MRPS9: variants seen among roughly 807,000 people sequenced by gnomAD.
MRPS9 encodes the protein mitochondrial ribosomal protein S9, also known as small ribosomal subunit protein uS9m.
Under a neutral mutation model 59.9 loss-of-function variants are expected in MRPS9, and 45 were observed. That is an observed-to-expected ratio of 0.75 (90% confidence interval 0.59 to 0.96). The LOEUF (loss-of-function observed/expected upper bound fraction) is 0.96. MRPS9 is among the 40% of genes least tolerant of loss of function. The probability of loss-of-function intolerance (pLI) is 0.00; values close to 1 mark genes in which losing one functional copy is unlikely to be tolerated. For synonymous variants in MRPS9, 171 were observed against 166.8 expected, an observed-to-expected ratio of 1.03 and a Z score of -0.19; for missense variants, 473 against 481.1, an observed-to-expected ratio of 0.98 and a Z score of 0.16.
intron 1 of MRPS9, among the ~76,000 whole-genome samples, chr2:105,041,209 TA>T (rs1205030210): frequency 6.6e-6 from 1 of 152,224 alleles, no homozygotes; most frequent in East Asian, 1.9e-4. Flanking sequence ...CATGAATTCA[TA>T]AATCCTCTAT....
intron 2 of MRPS9, among the ~76,000 whole-genome samples, chr2:105,062,676 A>G (rs17686323): frequency 0.22 from 33,588 of 152,238 alleles, 3,777 homozygotes; most frequent in Middle Eastern, 0.35. Context: ...ACATTAGTAC[A>G]GTGCTGAGTT....
intron 1 of MRPS9, among the ~76,000 whole-genome samples, chr2:105,047,902 G>C (rs1679622351): frequency 6.6e-6 from 1 of 151,870 alleles, no homozygotes; most frequent in African/African-American, 2.4e-5. Flanking sequence ...CCCAGTAATG[G>C]GATGGCTGGG....
chr2:105,053,304 A>G (rs1399010908), intron 2 of MRPS9, among the ~76,000 whole-genome samples: 1 of 152,194 alleles, frequency 6.6e-6, no homozygotes, highest in Non-Finnish European at 1.5e-5. Flanking sequence ...GCTATGGTCT[A>G]TAATTTAATT....
intron 5 of MRPS9, among the ~76,000 whole-genome samples, chr2:105,086,911 G>T: frequency 6.6e-6 from 1 of 152,130 alleles, no homozygotes; most frequent in African/African-American, 2.4e-5. Flanking sequence ...TATAAGTGGG[G>T]AGCATCCATT....
chr2:105,084,817 TA>T (rs1176626174), intron 5 of MRPS9, among the ~76,000 whole-genome samples: 4 of 152,186 alleles, frequency 2.6e-5, no homozygotes, highest in Non-Finnish European at 4.4e-5. Context: ...CTTTAATGTA[TA>T]TTTTCCTCCC....
intron 1 of MRPS9, among the ~76,000 whole-genome samples, chr2:105,044,988 A>G (rs574995217): frequency 1.3e-5 from 2 of 152,320 alleles, no homozygotes; most frequent in East Asian, 1.9e-4. Flanking sequence ...TAGACCAATG[A>G]TATAAAAAGC....
chr2:105,094,564 C>T (rs2104470570), intron 9 of MRPS9, among the ~76,000 whole-genome samples: 1 of 152,290 alleles, frequency 6.6e-6, no homozygotes, highest in Non-Finnish European at 1.5e-5. Context: ...AGAGGACCCT[C>T]CTAATACAGT....
At chr2:105,090,164 T>A (rs967453733) in intron 7 of MRPS9, among the ~76,000 whole-genome samples, 169 bp downstream of exon 7, 1 of 152,166 alleles carries the variant, frequency 6.6e-6, no homozygotes, top group African/African-American at 2.4e-5. Context: ...CAAAACACAT[T>A]CATCATTGAT....
intron 1 of MRPS9, among the ~76,000 whole-genome samples, chr2:105,047,828 G>C (rs1245980917): frequency 6.6e-6 from 1 of 152,016 alleles, no homozygotes; most frequent in Non-Finnish European, 1.5e-5. Context: ...AAAAGGACCA[G>C]CAGCAGCAAG....
chr2:105,052,768 T>C (rs1679735661), intron 2 of MRPS9, among the ~76,000 whole-genome samples: 1 of 152,262 alleles, frequency 6.6e-6, no homozygotes, highest in Admixed American at 6.5e-5. Flanking sequence ...TGAGTTGTTG[T>C]TGTTGGGTTT....
chr2:105,088,940 T>G (rs746177162), intron 5 of MRPS9, 44 bp from the exon 6 acceptor site: 2 of 1,333,378 alleles, frequency 1.5e-6, no homozygotes, highest in Non-Finnish European at 2.1e-6. Context: ...TAATGTACCA[T>G]TGCTCTTATT....
intron 2 of MRPS9, among the ~76,000 whole-genome samples, chr2:105,061,742 G>A (rs1224043808): frequency 2.6e-5 from 4 of 152,082 alleles, no homozygotes; most frequent in Non-Finnish European, 2.9e-5. Flanking sequence ...GTATTCCCTG[G>A]AGGGCATGTT....
intron 9 of MRPS9, among the ~76,000 whole-genome samples, chr2:105,094,735 G>C (rs763874496): frequency 7.9e-5 from 12 of 152,290 alleles, no homozygotes; most frequent in Admixed American, 7.8e-4. Flanking sequence ...ATTTCCCTTA[G>C]GAAAAGCCAG....
At position 105,049,264 on chromosome 2, in the gene MRPS9, C is replaced by T; in HGVS notation, c.229C>T (p.Gln77Ter). 6.2e-7 allele frequency: 1 copy of T among 1,612,770 alleles called. No homozygotes were observed. Among genetic ancestry groups the T allele is most frequent in the South Asian group, 1.1e-5 (1 of 90,846 alleles). The change falls in exon 2 of 11, where the codon CAG becomes TAG. Residue 77 changes from glutamine (Q) to a stop codon, truncating the protein, a stop_gained. Coordinates refer to ENST00000258455, the MANE Select transcript of MRPS9 (RefSeq NM_182640.3). LOFTEE classifies it high-confidence loss of function. ...ETYTEDFIKK[Q>*]IEEFNIGKRH... ...TTACACAGAGGATTTTATTAAAAAG[C>T]AGATTGAAGAGTTCAACATAGGAAA... is the stretch of plus-strand genomic sequence containing the variant.
At chr2:105,095,481 C>T (rs1680639794) in intron 9 of MRPS9, among the ~76,000 whole-genome samples, 1 of 148,346 alleles carries the variant, frequency 6.7e-6, no homozygotes, top group African/African-American at 2.5e-5. Context: ...GATTTTCAGT[C>T]TGTACATTTT....
chr2:105,057,792 T>C (rs940382028), intron 2 of MRPS9, among the ~76,000 whole-genome samples: 2 of 152,200 alleles, frequency 1.3e-5, no homozygotes, highest in Non-Finnish European at 2.9e-5. Flanking sequence ...TCCTTTTCCA[T>C]TGAAGCATGT....
At chr2:105,057,120 C>T (rs1464783993) in intron 2 of MRPS9, among the ~76,000 whole-genome samples, 8 of 152,106 alleles carry the variant, frequency 5.3e-5, no homozygotes, top group African/African-American at 1.9e-4. Context: ...GATTTTTGCC[C>T]AGTTTCTTAA....
At chr2:105,046,154 C>T (rs941539179) in intron 1 of MRPS9, among the ~76,000 whole-genome samples, 4 of 152,010 alleles carry the variant, frequency 2.6e-5, no homozygotes, top group African/African-American at 9.7e-5. Context: ...GCGTGAGCCA[C>T]CGCACCCAGA....
intron 6 of MRPS9, among the ~76,000 whole-genome samples, chr2:105,089,468 A>G (rs1680514905): frequency 6.6e-6 from 1 of 152,208 alleles, no homozygotes; most frequent in African/African-American, 2.4e-5. Context: ...CTGATCAGCC[A>G]GTGTTAAATT....
Sources: allele counts gnomAD v4.1 joint callset (sites outside exome capture counted in the v4.1 genomes callset), GRCh38; gene constraint gnomAD v4.1.1; transcripts MANE v1.5; gene names NCBI Gene and HGNC (gene_info 2026-07-23, HGNC 2026-07-21).